The following MAPRE3 variants were observed in gnomAD, a reference collection of about 807,000 sequenced individuals.
MAPRE3 encodes microtubule-associated protein RP/EB family member 3.
A neutral mutation model predicts 30.5 loss-of-function variants in MAPRE3; 2 were observed. The observed-to-expected ratio is 0.07, with a 90% confidence interval of 0.03 to 0.21. The LOEUF (loss-of-function observed/expected upper bound fraction) is 0.21. Ranked by LOEUF, MAPRE3 falls within the 10% of genes least tolerant of loss-of-function variation. The pLI is 1.00. For synonymous variants in MAPRE3, 110 were observed against 127.7 expected (o/e 0.86, Z 0.93); for missense variants, 204 against 351.8 (o/e 0.58, Z 3.36).
chr2:26,971,180 T>G (rs1422483836), intron 1 of MAPRE3, among the ~76,000 whole-genome samples: 1 of 152,212 alleles, frequency 6.6e-6, no homozygotes, highest in Non-Finnish European at 1.5e-5. Flanking sequence ...CTCCTAGGCC[T>G]GACATCTCCC....
intron 1 of MAPRE3, among the ~76,000 whole-genome samples, chr2:27,003,813 C>T (rs1666658765): frequency 1.3e-5 from 2 of 152,114 alleles, no homozygotes; most frequent in African/African-American, 4.8e-5. Context: ...TCATTGTTAC[C>T]GGCCCCATGT....
At chr2:27,007,703 G>T (rs544788628) in intron 1 of MAPRE3, among the ~76,000 whole-genome samples, 309 of 152,220 alleles carry the variant, frequency 2.0e-3, no homozygotes, top group African/African-American at 7.2e-3. Context: ...GTTAATCTTT[G>T]GGGCATCACA....
At chr2:26,977,034 C>T (rs1350727179) in intron 1 of MAPRE3, among the ~76,000 whole-genome samples, 1 of 152,134 alleles carries the variant, frequency 6.6e-6, no homozygotes, top group African/African-American at 2.4e-5. Flanking sequence ...GCATTAAAAA[C>T]ATTTGGAGAA....
intron 1 of MAPRE3, among the ~76,000 whole-genome samples, chr2:26,989,331 G>C (rs894479704): frequency 6.6e-6 from 1 of 152,146 alleles, no homozygotes; most frequent in African/African-American, 2.4e-5. Flanking sequence ...GCATGAGCTG[G>C]GTGCTGTGCA....
At chr2:26,977,644 G>A (rs1666040141) in intron 1 of MAPRE3, among the ~76,000 whole-genome samples, 2 of 152,200 alleles carry the variant, frequency 1.3e-5, no homozygotes, top group South Asian at 2.1e-4. Flanking sequence ...AGAGAGGGTT[G>A]GGTGCCCACC....
At chr2:26,984,277 A>C (rs1182734232) in intron 1 of MAPRE3, among the ~76,000 whole-genome samples, 1 of 152,264 alleles carries the variant, frequency 6.6e-6, no homozygotes, top group African/African-American at 2.4e-5. Flanking sequence ...AATATTTATG[A>C]ATTAAAACAT....
chr2:26,974,326 ATATT>A (rs1167779211), intron 1 of MAPRE3, among the ~76,000 whole-genome samples: 2 of 152,244 alleles, frequency 1.3e-5, no homozygotes, highest in Admixed American at 1.3e-4. Flanking sequence ...GTCTAACTAA[ATATT>A]TATTCTTGCC....
chr2:26,995,614 C>A (rs1027474964), intron 1 of MAPRE3: 1 of 151,946 alleles, frequency 6.6e-6, no homozygotes, highest in African/African-American at 2.4e-5. Context: ...AAATAATCAT[C>A]TATGAGTTTA....
intron 1 of MAPRE3, among the ~76,000 whole-genome samples, chr2:27,010,033 A>G (rs1443323181): frequency 6.6e-6 from 1 of 152,238 alleles, no homozygotes; most frequent in African/African-American, 2.4e-5. Flanking sequence ...TGGGTGCTGA[A>G]GCACACACTC....
At chr2:26,974,546 C>T (rs191078103) in intron 1 of MAPRE3, among the ~76,000 whole-genome samples, 1 of 152,154 alleles carries the variant, frequency 6.6e-6, no homozygotes, top group African/African-American at 2.4e-5. Flanking sequence ...TGGGCAGCTG[C>T]GGGCTTATCT....
At chr2:26,996,563 G>T (rs757269790) in intron 1 of MAPRE3, among the ~76,000 whole-genome samples, 56 of 152,270 alleles carry the variant, frequency 3.7e-4, no homozygotes, top group Non-Finnish European at 6.9e-4. Flanking sequence ...ATCACTTTGG[G>T]AGGCTGAGGC....
intron 1 of MAPRE3, among the ~76,000 whole-genome samples, chr2:27,006,598 T>G (rs1216296113): frequency 6.6e-6 from 1 of 152,006 alleles, no homozygotes; most frequent in Non-Finnish European, 1.5e-5. Flanking sequence ...GTCCCACTAT[T>G]TTTTTTAAAA....
intron 1 of MAPRE3, among the ~76,000 whole-genome samples, chr2:26,993,110 C>T (rs887443479): frequency 7.2e-5 from 11 of 152,202 alleles, no homozygotes; most frequent in Non-Finnish European, 1.5e-5. Context: ...TGGCTCACCC[C>T]TGTAATCCCA....
At chr2:27,017,177 G>A (rs923739506) in intron 1 of MAPRE3, among the ~76,000 whole-genome samples, 1 of 152,196 alleles carries the variant, frequency 6.6e-6, no homozygotes, top group Non-Finnish European at 1.5e-5. Context: ...GCCCTAGCAG[G>A]TGCAGCAGAG....
chr2:27,025,514 A>G (rs1667217263), intron 4 of MAPRE3, 69 bp from the exon 5 acceptor site: 2 of 1,485,130 alleles, frequency 1.3e-6, no homozygotes, highest in Non-Finnish European at 9.1e-7. Flanking sequence ...CAGTCCTCAC[A>G]CCAGGCTGTC....
intron 1 of MAPRE3, among the ~76,000 whole-genome samples, chr2:27,003,958 G>A (rs190581932): frequency 6.6e-6 from 1 of 152,300 alleles, no homozygotes; most frequent in African/African-American, 2.4e-5. Flanking sequence ...CTTCACAACA[G>A]TCCGGCAGCA....
At chr2:27,002,030 G>C (rs1330637000) in intron 1 of MAPRE3, 1 of 152,314 alleles carries the variant, frequency 6.6e-6, no homozygotes, top group African/African-American at 2.4e-5. Context: ...GGACACTCCT[G>C]CTGTCTTAGG....
intron 1 of MAPRE3, among the ~76,000 whole-genome samples, chr2:26,980,566 C>G (rs1666093995): frequency 6.6e-6 from 1 of 152,180 alleles, no homozygotes; most frequent in South Asian, 2.1e-4. Flanking sequence ...TGCTTAACCT[C>G]AATCTGTTGT....
chr2:26,976,473 G>T (rs1375653002), intron 1 of MAPRE3, among the ~76,000 whole-genome samples: 1 of 152,182 alleles, frequency 6.6e-6, no homozygotes, highest in South Asian at 2.1e-4. Context: ...GCCAAGTTTC[G>T]TGAAGCATGC....
Sources: allele counts gnomAD v4.1 joint callset (sites outside exome capture counted in the v4.1 genomes callset), GRCh38; gene constraint gnomAD v4.1.1; transcripts MANE v1.5; gene names NCBI Gene and HGNC (gene_info 2026-07-23, HGNC 2026-07-21).